Variants in ZMAT4 observed in about 807,000 individuals in gnomAD.
ZMAT4 encodes the protein zinc finger matrin-type 4.
ZMAT4 carries 17 observed loss-of-function variants against 28.7 expected under a neutral mutation model. That is an observed-to-expected ratio of 0.59 (90% CI 0.41 to 0.89). ZMAT4 has a LOEUF of 0.89. Among genes scored for constraint, ZMAT4 ranks in the 40% least tolerant of loss-of-function variants. The pLI is 0.00. For synonymous variants in ZMAT4, 117 were observed against 109.2 expected, an observed-to-expected ratio of 1.07 and a Z score of -0.44; for missense variants, 240 against 283.8, an observed-to-expected ratio of 0.85 and a Z score of 1.11.
At chr8:40,739,685 T>A (rs997350212) in intron 3 of ZMAT4, among the ~76,000 whole-genome samples, 1 of 152,188 alleles carries the variant, frequency 6.6e-6, no homozygotes, top group Non-Finnish European at 1.5e-5. Context: ...ACGTGCAGGT[T>A]TGTTACATAG....
chr8:40,615,735 T>C (rs1281878931), intron 5 of ZMAT4, among the ~76,000 whole-genome samples: 1 of 152,256 alleles, frequency 6.6e-6, no homozygotes, highest in African/African-American at 2.4e-5. Flanking sequence ...CTGAAACTTG[T>C]GCATTCATCA....
intron 6 of ZMAT4, among the ~76,000 whole-genome samples, chr8:40,537,761 C>T (rs182514069): frequency 2.6e-5 from 4 of 152,252 alleles, no homozygotes; most frequent in Admixed American, 2.6e-4. Flanking sequence ...CTAGGGAGGT[C>T]GAACATCATC....
In ZMAT4 at chr8:40,770,119, C is replaced by T. The variant is rs553980657; in HGVS notation, c.103-2389G>A. The stretch of plus-strand genomic sequence containing the variant: ...CCGGTGAGGAAAATCAGAGCTTTGG[C>T]AAATACCACCTGATTCTGGAATGAT... On this transcript the variant is annotated intron_variant, in intron 2 of 6. Coordinates refer to ENST00000297737, the MANE Select transcript of ZMAT4 (RefSeq NM_024645.3). 3.9e-5 allele frequency among the ~76,000 whole-genome samples: 6 copies of T among 152,226 alleles called. No individual in the cohort carries two copies. In the East Asian group the frequency reaches 1.2e-3, roughly 30 times the overall value.
chr8:40,849,817 G>A (rs1037781393), intron 1 of ZMAT4, among the ~76,000 whole-genome samples: 1 of 152,128 alleles, frequency 6.6e-6, no homozygotes, highest in African/African-American at 2.4e-5. Flanking sequence ...TTACATAGCA[G>A]TTTATGTGCC....
rs71546311 is a variant in ZMAT4 at position 40,857,366 on chromosome 8, T to TA, written c.-4-31687dup. On this transcript the variant is annotated intron_variant, in intron 1 of 6. Coordinates refer to ENST00000297737, the MANE Select transcript of ZMAT4 (RefSeq NM_024645.3). ...GGCAACATAGCAAGACCCTGTCTCTTAAAAAAAAAAACAAAAACAAACAGA... is the reference window on the plus strand; with the variant it reads ...GGCAACATAGCAAGACCCTGTCTCTTAAAAAAAAAAAACAAAAACAAACAGA... Among the ~76,000 whole-genome samples, 1,245 of 143,386 alleles carry TA rather than the reference T, an allele frequency of 8.7e-3. 18 individuals carry two copies. The highest frequency in any genetic ancestry group is 0.025 in the African/African-American group (998 of 39,274). 94.1% of individuals were successfully genotyped at this position (143,386 alleles called of 152,430 possible).
intron 5 of ZMAT4, among the ~76,000 whole-genome samples, chr8:40,595,335 C>T (rs1214775851): frequency 2.0e-5 from 3 of 152,036 alleles, no homozygotes; most frequent in East Asian, 3.9e-4. Flanking sequence ...CATACATACA[C>T]GTGTATAAAT....
chr8:40,716,683 C>T (rs1278716641), intron 3 of ZMAT4, among the ~76,000 whole-genome samples: 1 of 152,050 alleles, frequency 6.6e-6, no homozygotes, highest in Non-Finnish European at 1.5e-5. Flanking sequence ...CAGAACGAGA[C>T]TGTCTCAAAA....
chr8:40,822,567 T>C (rs1815869864), intron 2 of ZMAT4, among the ~76,000 whole-genome samples: 1 of 152,200 alleles, frequency 6.6e-6, no homozygotes, highest in Non-Finnish European at 1.5e-5. Flanking sequence ...AGTTTTCAAA[T>C]GGCCTTAGAG....
At chr8:40,679,147 G>T (rs1429263883) in intron 4 of ZMAT4, among the ~76,000 whole-genome samples, 2 of 152,118 alleles carry the variant, frequency 1.3e-5, no homozygotes, top group Non-Finnish European at 2.9e-5. Context: ...CCTCATCATG[G>T]AATGAATTTC....
At chr8:40,648,508 T>A (rs1807464034) in intron 5 of ZMAT4, among the ~76,000 whole-genome samples, 1 of 150,568 alleles carries the variant, frequency 6.6e-6, no homozygotes, top group African/African-American at 2.4e-5. Flanking sequence ...CTGCAGGATA[T>A]TGTCCAGGAG....
chr8:40,733,894 G>A (rs576485008), intron 3 of ZMAT4, among the ~76,000 whole-genome samples: 94 of 152,052 alleles, frequency 6.2e-4, no homozygotes, highest in Non-Finnish European at 8.5e-4. Flanking sequence ...TGCCCTGAAG[G>A]TGCTGACACC....
At chr8:40,874,325 C>A in intron 1 of ZMAT4, among the ~76,000 whole-genome samples, 1 of 152,226 alleles carries the variant, frequency 6.6e-6, no homozygotes, top group East Asian at 1.9e-4. Flanking sequence ...AGAGAAGAAC[C>A]TCCTGGCAAG....
intron 3 of ZMAT4, among the ~76,000 whole-genome samples, chr8:40,761,933 A>C (rs1812957747): frequency 6.6e-6 from 1 of 152,220 alleles, no homozygotes; most frequent in Non-Finnish European, 1.5e-5. Flanking sequence ...TAGAAAGTCT[A>C]AAGCAAAGTT....
intron 3 of ZMAT4, among the ~76,000 whole-genome samples, chr8:40,744,014 A>C (rs1338702620): frequency 6.6e-6 from 1 of 152,248 alleles, no homozygotes; most frequent in African/African-American, 2.4e-5. Flanking sequence ...GAATGCTCCC[A>C]GGAGCAAGGA....
At chr8:40,581,849 A>G (rs187776247) in intron 5 of ZMAT4, among the ~76,000 whole-genome samples, 1 of 152,354 alleles carries the variant, frequency 6.6e-6, no homozygotes, top group African/African-American at 2.4e-5. Flanking sequence ...ATTCACTAAT[A>G]CAGTATCAAC....
intron 1 of ZMAT4, among the ~76,000 whole-genome samples, chr8:40,873,359 G>A (rs1191663461): frequency 2.6e-5 from 4 of 152,132 alleles, no homozygotes; most frequent in Non-Finnish European, 5.9e-5. Context: ...ATGAGTCACC[G>A]AAAGCTGTTG....
chr8:40,665,591 G>A (rs1001269451), intron 5 of ZMAT4, among the ~76,000 whole-genome samples: 7 of 152,200 alleles, frequency 4.6e-5, no homozygotes, highest in African/African-American at 9.7e-5. Context: ...TACATAATGC[G>A]TGTTGCAAAT....
chr8:40,832,976 T>G (rs1816341545), intron 1 of ZMAT4, among the ~76,000 whole-genome samples: 1 of 152,222 alleles, frequency 6.6e-6, no homozygotes, highest in Admixed American at 6.5e-5. Flanking sequence ...TGGTGGCTGT[T>G]GCCTGACATT....
intron 1 of ZMAT4, among the ~76,000 whole-genome samples, chr8:40,852,980 C>T (rs967573573): frequency 3.3e-5 from 5 of 152,056 alleles, no homozygotes; most frequent in Non-Finnish European, 7.4e-5. Context: ...CAGTTATGTT[C>T]CTTGAAATGG....
Sources: gnomAD v4.1 joint callset for allele counts (sites outside exome capture counted in the v4.1 genomes callset) on GRCh38, gnomAD v4.1.1 for gene constraint, MANE v1.5 for transcripts, NCBI Gene and HGNC (gene_info 2026-07-23, HGNC 2026-07-21) for gene names.